Variants in CRACD observed in about 807,000 individuals in gnomAD.
CRACD encodes capping protein inhibiting regulator of actin dynamics, also known as capping protein-inhibiting regulator of actin dynamics.
A neutral mutation model predicts 106.8 loss-of-function variants in CRACD; 56 were observed. That is an observed-to-expected ratio of 0.52 (90% CI 0.42 to 0.66). The LOEUF (loss-of-function observed/expected upper bound fraction) is 0.66. CRACD is among the 30% of genes least tolerant of loss of function. The probability of loss-of-function intolerance (pLI) is 0.00; values close to 1 mark genes in which losing one functional copy is unlikely to be tolerated. For missense variants in CRACD, 1,730 were observed against 1,623.2 expected, an observed-to-expected ratio of 1.07 and a Z score of -1.13; for synonymous variants, 754 against 670.8, an observed-to-expected ratio of 1.12 and a Z score of -1.92.
chr4:56,321,439 C>T (rs1241766592), intron 8 of CRACD: 1 of 152,348 alleles, frequency 6.6e-6, no homozygotes, highest in Non-Finnish European at 1.5e-5. Flanking sequence ...AAATAATAGT[C>T]TAAGTTGTTG....
intron 2 of CRACD, among the ~76,000 whole-genome samples, chr4:56,267,325 T>C (rs1055302977): frequency 6.6e-6 from 1 of 152,030 alleles, no homozygotes; most frequent in Non-Finnish European, 1.5e-5. Context: ...TGTTTCACGA[T>C]GTTGGCCAGG....
chr4:56,155,956 G>T (rs529308523), intron 1 of CRACD, among the ~76,000 whole-genome samples: 2 of 152,150 alleles, frequency 1.3e-5, no homozygotes, highest in Admixed American at 6.5e-5. Context: ...ATGTGTTTTG[G>T]TTCAAATATT....
intron 3 of CRACD, among the ~76,000 whole-genome samples, chr4:56,283,381 C>T (rs1743142791): frequency 1.3e-5 from 2 of 152,194 alleles, no homozygotes; most frequent in African/African-American, 4.8e-5. Context: ...TCCAGTTCCC[C>T]TTCTCAAGTC....
At chr4:56,069,088 C>T (rs1046449718) in intron 1 of CRACD, among the ~76,000 whole-genome samples, 22 of 152,170 alleles carry the variant, frequency 1.4e-4, no homozygotes, top group African/African-American at 4.8e-4. Context: ...TGCCAGGAGC[C>T]GCGGGATGTG....
intron 1 of CRACD, among the ~76,000 whole-genome samples, chr4:56,114,811 T>G (rs1213182450): frequency 6.6e-6 from 1 of 152,170 alleles, no homozygotes; most frequent in Non-Finnish European, 1.5e-5. Context: ...ATGTAGTATA[T>G]TTACATATGC....
Position 56,315,927 on chromosome 4 carries a change from A to G in CRACD, c.2425A>G (p.Lys809Glu). The change falls in exon 8 of 11, where the codon AAA becomes GAA. Residue 809 changes from lysine (K) to glutamate (E), a missense_variant. Around this residue, in one of 5 missense-constraint regions of CRACD, gnomAD observed 1,620 missense variants for 1,481.6 expected, o/e 1.09. Coordinates refer to ENST00000682029, the MANE Select transcript of CRACD (RefSeq NM_001393381.1). This position sits in a 1 kb window ranked among gnomAD's most constrained non-coding sequence, Gnocchi z 4.1. ...LVPSLPYPPQ[K>E]VVAHTEFTTS... ...CCCAAGCCTTCCTTACCCTCCGCAG[A>G]AAGTGGTGGCCCACACAGAGTTCAC... 1 of 1,614,242 alleles carries G rather than the reference A, an allele frequency of 6.2e-7. No individual in the cohort carries two copies. The highest frequency in any genetic ancestry group is 8.5e-7 in the Non-Finnish European group (1 of 1,180,044).
At chr4:56,097,208 C>A (rs1304190596) in intron 1 of CRACD, among the ~76,000 whole-genome samples, 1 of 152,082 alleles carries the variant, frequency 6.6e-6, no homozygotes, top group African/African-American at 2.4e-5. Flanking sequence ...TTGGCTCTAT[C>A]ATCAGCTGAG....
intron 1 of CRACD, among the ~76,000 whole-genome samples, chr4:56,108,992 C>T (rs1734035532): frequency 6.6e-6 from 1 of 152,142 alleles, no homozygotes; most frequent in Non-Finnish European, 1.5e-5. Flanking sequence ...TCCAGCCTCC[C>T]ACAAGAAGCT....
At chr4:56,105,671 G>A (rs1462119478) in intron 1 of CRACD, among the ~76,000 whole-genome samples, 1 of 152,166 alleles carries the variant, frequency 6.6e-6, no homozygotes, top group Non-Finnish European at 1.5e-5. Flanking sequence ...GCCTTTCAAT[G>A]TAGCAAACCT....
At chr4:56,235,089 G>A (rs559558878) in intron 2 of CRACD, among the ~76,000 whole-genome samples, 1 of 152,212 alleles carries the variant, frequency 6.6e-6, no homozygotes, top group South Asian at 2.1e-4. Context: ...TACAAACTAT[G>A]GATTTTAAAA....
intron 2 of CRACD, among the ~76,000 whole-genome samples, chr4:56,229,772 CA>C (rs1305332719): frequency 6.6e-6 from 1 of 152,088 alleles, no homozygotes; most frequent in Non-Finnish European, 1.5e-5. Flanking sequence ...TGCCTTTTTG[CA>C]AACTCAGCCA....
intron 1 of CRACD, among the ~76,000 whole-genome samples, chr4:56,106,020 A>G (rs1431593151): frequency 6.6e-6 from 1 of 151,858 alleles, no homozygotes; most frequent in Non-Finnish European, 1.5e-5. Context: ...CTTTCTGCAA[A>G]GTGGCTGGGT....
chr4:56,210,684 A>G (rs1738355187), intron 2 of CRACD, among the ~76,000 whole-genome samples: 1 of 152,256 alleles, frequency 6.6e-6, no homozygotes, highest in Non-Finnish European at 1.5e-5. Context: ...AGGTTTAGAG[A>G]CAGAGATACC....
At chr4:56,218,368 T>C (rs1221710734) in intron 2 of CRACD, among the ~76,000 whole-genome samples, 1 of 151,934 alleles carries the variant, frequency 6.6e-6, no homozygotes, top group East Asian at 1.9e-4. Flanking sequence ...TGCTTTGGCC[T>C]CCTCAAGTGC....
chr4:56,204,794 G>A (rs370686858), intron 2 of CRACD, among the ~76,000 whole-genome samples: 2 of 152,188 alleles, frequency 1.3e-5, no homozygotes, highest in African/African-American at 4.8e-5. Flanking sequence ...GAAAGGTGAG[G>A]ATTGAGGTAA....
chr4:56,113,125 TAGTC>T (rs33965586), intron 1 of CRACD, among the ~76,000 whole-genome samples: 66,916 of 151,450 alleles, frequency 0.44, 15,272 homozygotes, highest in African/African-American at 0.56. Flanking sequence ...TCAATTAACT[TAGTC>T]AGTGTGTGAA....
intron 8 of CRACD, among the ~76,000 whole-genome samples, chr4:56,317,071 T>C (rs1367221697): frequency 4.6e-5 from 7 of 152,202 alleles, no homozygotes; most frequent in Non-Finnish European, 1.0e-4. Context: ...ATTCTAGTTA[T>C]AAAAGTTGAA....
Position 56,307,713 on chromosome 4 carries a change from AG to A in CRACD, c.285+17del. The A allele has an allele frequency of 6.2e-7, 1 of 1,613,766 alleles. No homozygotes were observed. The highest frequency in any genetic ancestry group is 1.1e-5 in the South Asian group (1 of 91,038). On this transcript the variant is annotated intron_variant, in intron 5 of 10. Transcript: ENST00000682029. ...GCAGAGAACAAGGTAAGTCTCCTCC[AG>A]GGAATGACTTGATGGCTCATAAACC... is the stretch of plus-strand genomic sequence containing the variant.
intron 1 of CRACD, among the ~76,000 whole-genome samples, chr4:56,112,192 A>G (rs1734142342): frequency 2.0e-5 from 3 of 152,146 alleles, no homozygotes; most frequent in African/African-American, 7.2e-5. Flanking sequence ...GCTTCGTGCA[A>G]CGAAGCCAAA....
Sources: gnomAD v4.1 joint callset for allele counts (sites outside exome capture counted in the v4.1 genomes callset) on GRCh38, gnomAD v4.1.1 for gene constraint, gnomAD v4.1.1 regional missense constraint, Gnocchi (gnomAD v3.1) non-coding constraint, MANE v1.5 for transcripts, NCBI Gene and HGNC (gene_info 2026-07-23, HGNC 2026-07-21) for gene names.